The following FGF14 variants were observed in gnomAD, a reference collection of about 807,000 sequenced individuals.
FGF14 encodes the protein fibroblast growth factor homologous factor 4.
Under a neutral mutation model 25.5 loss-of-function variants are expected in FGF14, and 5 were observed. The ratio of observed to expected loss-of-function variants is 0.20; its 90% CI spans 0.10 to 0.41. FGF14 has a LOEUF of 0.41. Among genes scored for constraint, FGF14 ranks in the 10% least tolerant of loss-of-function variants. The probability of loss-of-function intolerance (pLI) is 1.00; values close to 1 mark genes in which losing one functional copy is unlikely to be tolerated. For synonymous variants in FGF14, 138 were observed against 118.3 expected (o/e 1.17, Z -1.08); for missense variants, 222 against 320.1 (o/e 0.69, Z 2.34).
At chr13:102,127,567 C>G (rs2046001380) in intron 1 of FGF14, among the ~76,000 whole-genome samples, 1 of 152,198 alleles carries the variant, frequency 6.6e-6, no homozygotes, top group Non-Finnish European at 1.5e-5. Flanking sequence ...TTTACTCACA[C>G]TTAAAACCAT....
intron 1 of FGF14, among the ~76,000 whole-genome samples, chr13:102,167,095 G>A (rs1360196819): frequency 6.6e-6 from 1 of 152,050 alleles, no homozygotes; most frequent in African/African-American, 2.4e-5. Context: ...GAGGTCAGGA[G>A]TTCGAGACCA....
chr13:102,387,177 T>C (rs2058324809), intron 1 of FGF14, among the ~76,000 whole-genome samples: 1 of 152,256 alleles, frequency 6.6e-6, no homozygotes, highest in African/African-American at 2.4e-5. Flanking sequence ...ATTGAGAATT[T>C]AGTTGCTCTC....
intron 1 of FGF14, among the ~76,000 whole-genome samples, chr13:101,965,126 G>C (rs1039796524): frequency 6.6e-6 from 1 of 151,928 alleles, no homozygotes; most frequent in South Asian, 2.1e-4. Context: ...GGAGGCACCC[G>C]TAATCCCAGC....
At chr13:101,987,889 A>C (rs2038679347) in intron 1 of FGF14, among the ~76,000 whole-genome samples, 1 of 152,096 alleles carries the variant, frequency 6.6e-6, no homozygotes, top group African/African-American at 2.4e-5. Flanking sequence ...GGTGTATACT[A>C]TGTTTATGGA....
chr13:101,869,661 G>A (rs1281883105), intron 2 of FGF14, among the ~76,000 whole-genome samples: 1 of 152,092 alleles, frequency 6.6e-6, no homozygotes, highest in African/African-American at 2.4e-5. Context: ...TTTACAGTGA[G>A]GTTATCTGCT....
intron 3 of FGF14, among the ~76,000 whole-genome samples, chr13:101,854,291 C>T (rs1056027212): frequency 1.3e-5 from 2 of 151,998 alleles, no homozygotes; most frequent in African/African-American, 4.8e-5. Flanking sequence ...CCTAAGATTT[C>T]TAAGAGTGAT....
chr13:101,983,494 T>C (rs1334437940), intron 1 of FGF14, among the ~76,000 whole-genome samples: 3 of 152,176 alleles, frequency 2.0e-5, no homozygotes, highest in Non-Finnish European at 4.4e-5. Flanking sequence ...CAATAAGTCA[T>C]CAATCCAAAT....
chr13:102,255,902 T>C (rs1455489188), intron 1 of FGF14, among the ~76,000 whole-genome samples: 2 of 152,214 alleles, frequency 1.3e-5, no homozygotes, highest in African/African-American at 4.8e-5. Flanking sequence ...CATCTTCCTC[T>C]AAACTTAATG....
At chr13:101,930,770 A>G (rs1357743029) in intron 1 of FGF14, among the ~76,000 whole-genome samples, 1 of 152,216 alleles carries the variant, frequency 6.6e-6, no homozygotes, top group Non-Finnish European at 1.5e-5. Context: ...GAAAATAAAA[A>G]TATCTGCTTC....
At chr13:102,224,663 A>C (rs1350343530) in intron 1 of FGF14, among the ~76,000 whole-genome samples, 1 of 152,216 alleles carries the variant, frequency 6.6e-6, no homozygotes, top group Non-Finnish European at 1.5e-5. Context: ...ATTTTAAACT[A>C]TTCAATATGC....
chr13:101,914,432 G>A (rs949032670), intron 1 of FGF14, among the ~76,000 whole-genome samples: 2 of 151,718 alleles, frequency 1.3e-5, no homozygotes, highest in Non-Finnish European at 1.5e-5. Flanking sequence ...TCCTTATAAC[G>A]TATCTTCCCT....
chr13:101,968,839 C>T (rs553281946), intron 1 of FGF14, among the ~76,000 whole-genome samples: 1 of 147,470 alleles, frequency 6.8e-6, no homozygotes, highest in African/African-American at 2.5e-5. Context: ...TGTAATCATG[C>T]ATTCCATCAA....
chr13:101,909,206 A>G (rs1224831394), intron 1 of FGF14, among the ~76,000 whole-genome samples: 1 of 152,236 alleles, frequency 6.6e-6, no homozygotes, highest in African/African-American at 2.4e-5. Context: ...CTAAAACACC[A>G]AAAGCAATGG....
At chr13:101,726,929 G>C (rs940985277) in intron 3 of FGF14, 119 bp from the exon 4 acceptor site, 1 of 698,436 alleles carries the variant, frequency 1.4e-6, no homozygotes, top group Non-Finnish European at 2.5e-6. Flanking sequence ...TGGAGGACCG[G>C]ATATACCCCT....
intron 1 of FGF14, among the ~76,000 whole-genome samples, chr13:102,214,559 A>G (rs910967422): frequency 6.6e-6 from 1 of 152,208 alleles, no homozygotes; most frequent in African/African-American, 2.4e-5. Flanking sequence ...TTCATCCTTT[A>G]AGTCATAATC....
At chr13:102,399,024 T>A (rs2139283402) in intron 1 of FGF14, among the ~76,000 whole-genome samples, 1 of 152,060 alleles carries the variant, frequency 6.6e-6, no homozygotes, top group Admixed American at 6.5e-5. Context: ...GCCCATCAAT[T>A]CATACCCAAA....
At chr13:102,152,999 T>C (rs949154873) in intron 1 of FGF14, among the ~76,000 whole-genome samples, 27 of 152,358 alleles carry the variant, frequency 1.8e-4, no homozygotes, top group Admixed American at 1.5e-3. Flanking sequence ...AGCATCAGGC[T>C]GTGCACAGCT....
intron 1 of FGF14, among the ~76,000 whole-genome samples, chr13:102,093,241 T>C (rs1489978149): frequency 6.6e-6 from 1 of 152,164 alleles, no homozygotes. Flanking sequence ...TATATGTCAA[T>C]ACAAGCCTAT....
At chr13:101,924,178 T>G (rs2034201903) in intron 1 of FGF14, among the ~76,000 whole-genome samples, 1 of 152,110 alleles carries the variant, frequency 6.6e-6, no homozygotes, top group Non-Finnish European at 1.5e-5. Flanking sequence ...GAAAGTTCAT[T>G]TATAATCTCA....
Sources: gnomAD v4.1 joint callset for allele counts (sites outside exome capture counted in the v4.1 genomes callset) on GRCh38, gnomAD v4.1.1 for gene constraint, MANE v1.5 for transcripts, NCBI Gene and HGNC (gene_info 2026-07-23, HGNC 2026-07-21) for gene names.